Variants in NIBAN2 observed in about 807,000 individuals in gnomAD.
NIBAN2 encodes the protein protein Niban 2.
A neutral mutation model predicts 81.8 loss-of-function variants in NIBAN2; 36 were observed. That is an observed-to-expected ratio of 0.44 (90% confidence interval 0.34 to 0.58). The LOEUF (loss-of-function observed/expected upper bound fraction) is 0.58. NIBAN2 is among the 20% of genes least tolerant of loss of function. The pLI, the probability that NIBAN2 is intolerant of heterozygous loss-of-function variation, is 0.02. For synonymous variants in NIBAN2, 445 were observed against 441.6 expected, an observed-to-expected ratio of 1.01 and a Z score of -0.10; for missense variants, 897 against 1,014.1, an observed-to-expected ratio of 0.88 and a Z score of 1.57.
At chr9:127,567,131 G>T (rs1319439928) in intron 1 of NIBAN2, among the ~76,000 whole-genome samples, 1 of 152,172 alleles carries the variant, frequency 6.6e-6, no homozygotes, top group African/African-American at 2.4e-5. Context: ...TGCCAGGGGA[G>T]AGAGGGTGGG....
chr9:127,524,965 G>A (rs1223029012), intron 4 of NIBAN2, 93 bp downstream of exon 4: 1 of 916,742 alleles, frequency 1.1e-6, no homozygotes, highest in Non-Finnish European at 1.7e-6. Flanking sequence ...CGCAAACATG[G>A]GGCTGAAAGC....
chr9:127,575,026 AAC>A (rs1483963627), intron 1 of NIBAN2, among the ~76,000 whole-genome samples: 1 of 152,138 alleles, frequency 6.6e-6, no homozygotes, highest in African/African-American at 2.4e-5. Flanking sequence ...AATTGTTGTA[AAC>A]ACAGATACGA....
rs367559717 is a variant in NIBAN2, at chr9:127,508,954, G to A, written c.1317+22C>T. The A allele has an allele frequency of 2.2e-5, 36 of 1,612,804 alleles. No individual in the cohort carries two copies. The highest frequency in any genetic ancestry group is 2.9e-5 in the Non-Finnish European group (34 of 1,179,808). On this transcript the variant is annotated intron_variant, in intron 10 of 13. Transcript: ENST00000373312. This position sits in a 1 kb window ranked among gnomAD's most constrained non-coding sequence, Gnocchi z 6.4. ...AAGGCAGTGGACAGGGTGTGGGGTG[G>A]GGGTCGTAGCCTCGGGTCTACCTCC...
At position 127,507,993 on chromosome 9, in the gene NIBAN2, C is replaced by T. The variant is rs768695978; in HGVS notation, c.1543-15G>A. ...CGGGGCAGCTCCTGCCCGGGTGGGG[C>T]GGCAGAGATGAGAGGTCAGGGCCAA... is the stretch of plus-strand genomic sequence containing the variant. On this transcript the variant is annotated splice_polypyrimidine_tract_variant and intron_variant, in intron 12 of 13. Coordinates refer to ENST00000373312, the MANE Select transcript of NIBAN2 (RefSeq NM_022833.4). The surrounding 1 kb of genome is among the most constrained non-coding windows in gnomAD (Gnocchi z 6.8). The T allele has an allele frequency of 2.4e-5, 38 of 1,613,560 alleles. No homozygotes were observed. Among genetic ancestry groups the T allele is most frequent in the African/African-American group, 9.3e-5 (7 of 74,906 alleles).
chr9:127,520,641 C>T (rs896728491), intron 5 of NIBAN2, among the ~76,000 whole-genome samples: 5 of 152,244 alleles, frequency 3.3e-5, no homozygotes, highest in Non-Finnish European at 7.4e-5. Flanking sequence ...TTTGGCCGGG[C>T]ACAGTGACTC....
chr9:127,528,110 G>A (rs1051046366), intron 2 of NIBAN2, among the ~76,000 whole-genome samples: 3 of 152,188 alleles, frequency 2.0e-5, no homozygotes, highest in Admixed American at 1.3e-4. Flanking sequence ...ACAGGCAGGT[G>A]CATAATGCAC....
Position 127,531,625 on chromosome 9 carries a change from C to T in NIBAN2, c.186+23G>A, listed in dbSNP as rs773523330. 6.2e-6 allele frequency: 10 copies of T among 1,608,242 alleles called. No homozygotes were observed. Among genetic ancestry groups the T allele is most frequent in the African/African-American group, 5.3e-5 (4 of 74,864 alleles). On this transcript the variant is annotated intron_variant, in intron 2 of 13. Transcript: ENST00000373312. ...ATGGCGAGAAGTAGCAGAACATACC[C>T]GAGCCCTCCCAGCACCTCTCACCTT...
intron 2 of NIBAN2, 102 bp from the exon 3 acceptor site, chr9:127,527,424 G>C: frequency 2.6e-6 from 3 of 1,145,780 alleles, no homozygotes; most frequent in South Asian, 2.6e-5. Flanking sequence ...CGCACCCCCT[G>C]CCTAGCATGT....
chr9:127,565,915 C>A (rs145984968), intron 1 of NIBAN2, among the ~76,000 whole-genome samples: 6 of 149,598 alleles, frequency 4.0e-5, no homozygotes, highest in Non-Finnish European at 8.9e-5. Context: ...ACCTGGGCAA[C>A]ATAGGGAGAC....
At chr9:127,543,093 C>T (rs921969993) in intron 1 of NIBAN2, among the ~76,000 whole-genome samples, 2 of 152,188 alleles carry the variant, frequency 1.3e-5, no homozygotes, top group Non-Finnish European at 2.9e-5. Context: ...CGCCAAGGCC[C>T]GACAATGACA....
chr9:127,518,553 G>A (rs185149404), intron 5 of NIBAN2, among the ~76,000 whole-genome samples: 64 of 152,338 alleles, frequency 4.2e-4, no homozygotes, highest in African/African-American at 1.5e-3. Flanking sequence ...ACAAATGAGC[G>A]TGCCTCTGCT....
intron 9 of NIBAN2, among the ~76,000 whole-genome samples, chr9:127,509,648 C>T (rs966732447): frequency 1.3e-5 from 2 of 152,140 alleles, no homozygotes; most frequent in Non-Finnish European, 2.9e-5. Context: ...GAAGGACGTT[C>T]ACCCCGAGAG....
chr9:127,525,111 T>C lies in NIBAN2; in HGVS notation c.368A>G (p.Lys123Arg), dbSNP rs1367034836. ...GTATTGGTCCACGGACGTGAGGATT[T>C]TGTAGCCTGCACTGTTGATGACGGC... ...PRAVINSAGY[K>R]ILTSVDQYLE... The change falls in exon 4 of 14, where the codon AAA becomes AGA. Residue 123 changes from lysine to arginine, a missense_variant. Around this residue, in one of 3 missense-constraint regions of NIBAN2, gnomAD observed 209 missense variants for 208.4 expected, o/e 1.00. Coordinates refer to ENST00000373312, the MANE Select transcript of NIBAN2 (RefSeq NM_022833.4). The C allele has an allele frequency of 6.2e-7, 1 of 1,614,060 alleles. No homozygotes were observed. Among genetic ancestry groups the C allele is most frequent in the African/African-American group, 1.3e-5 (1 of 74,946 alleles).
Position 127,536,504 on chromosome 9 carries a change from A to G in NIBAN2, c.56-4726T>C, listed in dbSNP as rs1837281091. Reference sequence around the variant, plus strand: ...GGCATTGTTGCTTCAGGATTTTACAACTCAAATTCCCACATGGCGTCCCGG... The same window carrying G: ...GGCATTGTTGCTTCAGGATTTTACAGCTCAAATTCCCACATGGCGTCCCGG... On this transcript the variant is annotated intron_variant, in intron 1 of 13. Transcript: ENST00000373312. The surrounding 1 kb of genome is among the most constrained non-coding windows in gnomAD (Gnocchi z 4.0). 6.6e-6 allele frequency among the ~76,000 whole-genome samples: 1 copy of G among 152,004 alleles called. No individual in the cohort carries two copies. Among genetic ancestry groups the G allele is most frequent in the Non-Finnish European group, 1.5e-5 (1 of 67,978 alleles).
chr9:127,521,640 T>A (rs552068408), intron 5 of NIBAN2, among the ~76,000 whole-genome samples: 1 of 149,168 alleles, frequency 6.7e-6, no homozygotes, highest in African/African-American at 2.5e-5. Flanking sequence ...AGCAGAGAAC[T>A]TTCTCACAGT....
intron 5 of NIBAN2, among the ~76,000 whole-genome samples, chr9:127,523,168 TTAAAAAAAAA>T (rs1203947613): frequency 1.6e-4 from 3 of 19,026 alleles, no homozygotes; most frequent in Admixed American, 7.0e-4. Flanking sequence ...GTTGGTGGTT[TTAAAAAAAAA>T]AAAAAAAAAA....
intron 1 of NIBAN2, among the ~76,000 whole-genome samples, chr9:127,566,977 C>T (rs1048995115): frequency 6.0e-5 from 9 of 150,726 alleles, no homozygotes; most frequent in African/African-American, 1.5e-4. Context: ...ATAAATAGCA[C>T]TGAAGTGTGG....
chr9:127,539,460 G>T (rs545072931), intron 1 of NIBAN2, among the ~76,000 whole-genome samples: 37 of 152,312 alleles, frequency 2.4e-4, no homozygotes, highest in African/African-American at 8.7e-4. Context: ...GGCAACAGCT[G>T]GCAGGTGTCA....
chr9:127,521,314 C>A (rs1415160907), intron 5 of NIBAN2, among the ~76,000 whole-genome samples: 1 of 152,160 alleles, frequency 6.6e-6, no homozygotes, highest in Non-Finnish European at 1.5e-5. Context: ...CTGACTCTAG[C>A]CAGACCTGGA....
Sources: allele counts gnomAD v4.1 joint callset (sites outside exome capture counted in the v4.1 genomes callset), GRCh38; gene constraint gnomAD v4.1.1; regional missense constraint gnomAD v4.1.1; non-coding constraint Gnocchi (gnomAD v3.1); transcripts MANE v1.5; gene names NCBI Gene and HGNC (gene_info 2026-07-23, HGNC 2026-07-21).